Variants in DYNAP observed in about 807,000 individuals in gnomAD.
DYNAP encodes the protein dynactin-associated protein.
A neutral mutation model predicts 8.5 loss-of-function variants in DYNAP; 7 were observed. The observed-to-expected ratio is 0.82, with a 90% confidence interval of 0.47 to 1.54. The LOEUF is 1.54. Among genes scored for constraint, DYNAP ranks in the 40% most tolerant of loss-of-function variants. DYNAP has a pLI of 0.01. For missense variants in DYNAP, 256 were observed against 224.3 expected, an observed-to-expected ratio of 1.14 and a Z score of -0.90; for synonymous variants, 77 against 77.9, an observed-to-expected ratio of 0.99 and a Z score of 0.06.
upstream of DYNAP, among the ~76,000 whole-genome samples, chr18:54,585,689 C>T (rs1195609558): frequency 6.6e-6 from 1 of 152,194 alleles, no homozygotes; most frequent in African/African-American, 2.4e-5. Flanking sequence ...ACTATCCTGC[C>T]TACCTGCTGC....
intron 2 of DYNAP, among the ~76,000 whole-genome samples, chr18:54,596,957 A>G (rs996437285): frequency 6.6e-6 from 1 of 152,088 alleles, no homozygotes; most frequent in African/African-American, 2.4e-5. Context: ...TAGTCTTCCA[A>G]CAAATACCAT....
chr18:54,592,391 T>C (rs1478964978), intron 1 of DYNAP, among the ~76,000 whole-genome samples: 1 of 152,110 alleles, frequency 6.6e-6, no homozygotes, highest in Non-Finnish European at 1.5e-5. Context: ...ACAGCATATA[T>C]CTGGATAGCT....
upstream of DYNAP, among the ~76,000 whole-genome samples, chr18:54,590,431 A>G (rs896507104): frequency 9.9e-5 from 15 of 152,194 alleles, no homozygotes; most frequent in Non-Finnish European, 2.1e-4. Flanking sequence ...GCTTGAGGGT[A>G]AAACTTACAA....
At chr18:54,581,834 A>G in the DYNAP span, among the ~76,000 whole-genome samples, 250 of 152,334 alleles carry the variant, frequency 1.6e-3, 1 homozygote, top group African/African-American at 5.8e-3. Context: ...TAAGCTAATA[A>G]GAATTAATTT....
upstream of DYNAP, among the ~76,000 whole-genome samples, chr18:54,589,622 G>A (rs996302834): frequency 6.6e-6 from 1 of 152,100 alleles, no homozygotes; most frequent in African/African-American, 2.4e-5. Flanking sequence ...GCCGGTTAGA[G>A]ATGGTGAGGG....
At chr18:54,583,388 C>T (rs879827255), upstream of DYNAP, among the ~76,000 whole-genome samples, 2 of 152,148 alleles carry the variant, frequency 1.3e-5, no homozygotes, top group Admixed American at 1.3e-4. Flanking sequence ...GCTGGCATTT[C>T]CCTTTGAGTT....
upstream of DYNAP, among the ~76,000 whole-genome samples, chr18:54,583,600 A>G (rs1910786242): frequency 6.6e-6 from 1 of 152,240 alleles, no homozygotes; most frequent in Non-Finnish European, 1.5e-5. Flanking sequence ...AAGCCCATAC[A>G]TTACAATTAT....
the DYNAP span, among the ~76,000 whole-genome samples, chr18:54,582,617 G>A: frequency 6.6e-6 from 1 of 152,140 alleles, no homozygotes; most frequent in Non-Finnish European, 1.5e-5. Flanking sequence ...AAGGCTTTGA[G>A]CCTCTACCGT....
In DYNAP at chr18:54,597,893, A is replaced by T. The variant is rs35802037; in HGVS notation, c.303A>T (p.Ala101=). 51 of 1,613,632 alleles carry T rather than the reference A, an allele frequency of 3.2e-5. No homozygotes were observed. In the African/African-American group the frequency reaches 6.3e-4, roughly 20 times the overall value. Residue 101 remains alanine, a synonymous_variant, in exon 3 of 3, where the codon GCA becomes GCT. Coordinates refer to ENST00000648945, the MANE Select transcript of DYNAP (RefSeq NM_173629.3). ...TCTTAGCCTGTGTGATAATGACAGC[A>T]ATTGGAGTACTTATAATATGCTTGG... is the stretch of plus-strand genomic sequence containing the variant. ...ACLLACVIMT[A]IGVLIICLVN...
chr18:54,584,360 C>T (rs887131764), upstream of DYNAP, among the ~76,000 whole-genome samples: 2 of 150,212 alleles, frequency 1.3e-5, no homozygotes, highest in Non-Finnish European at 3.0e-5. Context: ...GTATTCATAG[C>T]CTCATTGTTC....
the DYNAP span, among the ~76,000 whole-genome samples, chr18:54,580,521 CA>C: frequency 1.3e-5 from 2 of 152,198 alleles, no homozygotes; most frequent in Non-Finnish European, 2.9e-5. Context: ...TCAGCTGAGA[CA>C]GCACAACCTC....
chr18:54,579,065 C>A, the DYNAP span, among the ~76,000 whole-genome samples: 4 of 152,148 alleles, frequency 2.6e-5, no homozygotes, highest in African/African-American at 9.7e-5. Context: ...TCCCAAAGTG[C>A]TGGGATTACA....
upstream of DYNAP, among the ~76,000 whole-genome samples, chr18:54,588,354 C>T (rs1910954447): frequency 2.0e-5 from 3 of 151,950 alleles, no homozygotes; most frequent in African/African-American, 2.4e-5. Flanking sequence ...TACAGGCATC[C>T]GTCATCATGC....
chr18:54,591,011 T>G, upstream of DYNAP: 1 of 433,796 alleles, frequency 2.3e-6, no homozygotes, highest in South Asian at 5.8e-5. Flanking sequence ...GACGGAACAA[T>G]AATGTAAGGT....
At chr18:54,582,386 AT>A in the DYNAP span, among the ~76,000 whole-genome samples, 3 of 152,198 alleles carry the variant, frequency 2.0e-5, no homozygotes, top group Non-Finnish European at 4.4e-5. Flanking sequence ...ATGTTTTCTA[AT>A]TTGTAATTTC....
upstream of DYNAP, among the ~76,000 whole-genome samples, chr18:54,587,367 C>T (rs190831546): frequency 5.2e-4 from 79 of 152,172 alleles, no homozygotes; most frequent in African/African-American, 1.9e-3. Flanking sequence ...GCCTGGGCAA[C>T]ACAGCGAGGT....
chr18:54,597,106 A>G (rs969479353), intron 2 of DYNAP, among the ~76,000 whole-genome samples: 1 of 152,244 alleles, frequency 6.6e-6, no homozygotes, highest in Middle Eastern at 3.4e-3. Flanking sequence ...TTGTTTCTAA[A>G]TTCTAAATTC....
chr18:54,584,693 G>C (rs1418469857), upstream of DYNAP, among the ~76,000 whole-genome samples: 3 of 152,172 alleles, frequency 2.0e-5, no homozygotes, highest in Non-Finnish European at 4.4e-5. Context: ...AAGGGCAGGA[G>C]GGAACTGTGC....
upstream of DYNAP, among the ~76,000 whole-genome samples, chr18:54,586,694 T>C (rs145725891): frequency 6.6e-6 from 1 of 152,248 alleles, no homozygotes; most frequent in East Asian, 1.9e-4. Context: ...AAACGAATGG[T>C]TATCTTGAGA....
Sources: allele counts gnomAD v4.1 joint callset (sites outside exome capture counted in the v4.1 genomes callset), GRCh38; gene constraint gnomAD v4.1.1; transcripts MANE v1.5; gene names NCBI Gene and HGNC (gene_info 2026-07-23, HGNC 2026-07-21).